The following AUTS2 variants were observed in gnomAD, a reference collection of about 807,000 sequenced individuals.
AUTS2 encodes the protein activator of transcription and developmental regulator AUTS2.
In AUTS2, 17 loss-of-function variants were observed where a neutral mutation model predicts 112.4. The observed-to-expected ratio is 0.15, with a 90% CI of 0.10 to 0.23. AUTS2 has a LOEUF of 0.23. Among genes scored for constraint, AUTS2 ranks in the 10% least tolerant of loss-of-function variants. The pLI is 1.00. For synonymous variants in AUTS2, 751 were observed against 702.7 expected, an observed-to-expected ratio of 1.07 and a Z score of -1.09; for missense variants, 1,510 against 1,701.6, an observed-to-expected ratio of 0.89 and a Z score of 1.98.
At chr7:70,495,940 A>ACG (rs1798461346) in intron 5 of AUTS2, among the ~76,000 whole-genome samples, 6 of 142,648 alleles carry the variant, frequency 4.2e-5, no homozygotes, top group South Asian at 2.3e-4. Context: ...AGTCACACAC[A>ACG]CACACCCCAC....
intron 4 of AUTS2, among the ~76,000 whole-genome samples, chr7:70,307,696 C>A (rs1376824420): frequency 6.6e-6 from 1 of 152,168 alleles, no homozygotes; most frequent in Non-Finnish European, 1.5e-5. Flanking sequence ...GAGCCTAGAT[C>A]CCTCTACCAG....
intron 3 of AUTS2, among the ~76,000 whole-genome samples, chr7:70,121,091 A>G (rs894011690): frequency 1.1e-4 from 16 of 152,186 alleles, no homozygotes; most frequent in Admixed American, 7.2e-4. Context: ...AGACACTTCA[A>G]TGGGGAAAGA....
intron 1 of AUTS2, among the ~76,000 whole-genome samples, chr7:69,738,163 G>A (rs1258283230): frequency 6.6e-6 from 1 of 152,014 alleles, no homozygotes; most frequent in Admixed American, 6.6e-5. Context: ...TCAATGCAAG[G>A]GGGTCATTTG....
At chr7:70,089,696 G>A (rs1162204944) in intron 2 of AUTS2, among the ~76,000 whole-genome samples, 1 of 151,662 alleles carries the variant, frequency 6.6e-6, no homozygotes, top group Admixed American at 6.6e-5. Context: ...CACATTTTGT[G>A]CCTTTTAAAA....
At chr7:70,324,904 A>T (rs534345507) in intron 4 of AUTS2, among the ~76,000 whole-genome samples, 4 of 152,144 alleles carry the variant, frequency 2.6e-5, no homozygotes, top group African/African-American at 9.6e-5. Context: ...GTCTTTGCTT[A>T]TGGGGAAGTT....
At chr7:70,392,439 C>G (rs969954246) in intron 4 of AUTS2, among the ~76,000 whole-genome samples, 1 of 152,112 alleles carries the variant, frequency 6.6e-6, no homozygotes, top group Non-Finnish European at 1.5e-5. Flanking sequence ...AATAGAAGGT[C>G]GTTACCAGGA....
intron 2 of AUTS2, among the ~76,000 whole-genome samples, chr7:69,977,424 C>G (rs1798105866): frequency 6.6e-6 from 1 of 151,978 alleles, no homozygotes; most frequent in Admixed American, 6.6e-5. Context: ...ATTTGGAGTC[C>G]TTTGAGATTA....
chr7:70,672,133 T>C (rs1807676611), intron 5 of AUTS2, among the ~76,000 whole-genome samples: 1 of 152,170 alleles, frequency 6.6e-6, no homozygotes, highest in South Asian at 2.1e-4. Context: ...AAAGTGCCAA[T>C]GGACAATCAG....
At chr7:69,894,266 TTTTTTTTTTTTTA>T (rs1331078436) in intron 1 of AUTS2, among the ~76,000 whole-genome samples, 3 of 118,712 alleles carry the variant, frequency 2.5e-5, no homozygotes, top group African/African-American at 5.9e-5. Context: ...TTTTTTTTTT[TTTTTTTTTTTTTA>T]ACAGATTTCT....
At chr7:69,995,852 G>A (rs1387789195) in intron 2 of AUTS2, among the ~76,000 whole-genome samples, 1 of 152,144 alleles carries the variant, frequency 6.6e-6, no homozygotes, top group Non-Finnish European at 1.5e-5. Context: ...AGCATTTTAG[G>A]AAGCTGTACT....
intron 5 of AUTS2, among the ~76,000 whole-genome samples, chr7:70,635,007 G>A (rs1156310677): frequency 3.3e-5 from 5 of 152,120 alleles, no homozygotes; most frequent in Non-Finnish European, 7.4e-5. Context: ...TTCACCATCT[G>A]TAAAGAGGGA....
intron 4 of AUTS2, among the ~76,000 whole-genome samples, chr7:70,417,024 C>G (rs1795015379): frequency 6.6e-6 from 1 of 152,186 alleles, no homozygotes; most frequent in African/African-American, 2.4e-5. Context: ...GCCAGCAGGG[C>G]CCCCAGTCTA....
intron 1 of AUTS2, among the ~76,000 whole-genome samples, chr7:69,738,077 C>G (rs1787110166): frequency 6.6e-6 from 1 of 151,844 alleles, no homozygotes; most frequent in South Asian, 2.1e-4. Context: ...TGATCATCTT[C>G]ACTGACTGCT....
chr7:69,938,373 C>T lies in AUTS2; in HGVS notation c.522+38875C>T, dbSNP rs115381702. ...CTCCAGGAAACTTCCTTGACTCTTGCGGGCTATATGGATCTCTACTTATTT... is the reference window on the plus strand; with the variant it reads ...CTCCAGGAAACTTCCTTGACTCTTGTGGGCTATATGGATCTCTACTTATTT... On this transcript the variant is annotated intron_variant, in intron 2 of 18. Transcript: ENST00000342771. 6.0e-3 allele frequency among the ~76,000 whole-genome samples: 917 copies of T among 152,276 alleles called. 10 individuals are homozygous for T. The highest frequency in any genetic ancestry group is 0.02 in the African/African-American group (839 of 41,550).
intron 1 of AUTS2, among the ~76,000 whole-genome samples, chr7:69,721,415 C>T (rs1417970576): frequency 1.3e-5 from 2 of 152,192 alleles, no homozygotes; most frequent in African/African-American, 4.8e-5. Flanking sequence ...CTTCATAGCA[C>T]TCATTATCAC....
At chr7:70,239,619 G>C (rs1302454961) in intron 4 of AUTS2, among the ~76,000 whole-genome samples, 1 of 152,066 alleles carries the variant, frequency 6.6e-6, no homozygotes, top group Non-Finnish European at 1.5e-5. Flanking sequence ...ATTTTTAGTA[G>C]AGACAGGGTT....
chr7:69,869,900 GT>G (rs1224748595), intron 1 of AUTS2, among the ~76,000 whole-genome samples: 8 of 152,162 alleles, frequency 5.3e-5, no homozygotes, highest in African/African-American at 1.9e-4. Flanking sequence ...GAGACTCATA[GT>G]TTGATGGCAT....
intron 4 of AUTS2, among the ~76,000 whole-genome samples, chr7:70,259,742 T>C (rs1369622886): frequency 1.3e-5 from 2 of 152,190 alleles, no homozygotes; most frequent in African/African-American, 2.4e-5. Flanking sequence ...AAGTGCTAAG[T>C]GTTGACATTA....
intron 1 of AUTS2, among the ~76,000 whole-genome samples, chr7:69,757,847 C>T (rs554156158): frequency 7.6e-4 from 116 of 152,100 alleles, no homozygotes; most frequent in African/African-American, 2.7e-3. Context: ...AGCAAATGTG[C>T]AATACAAAAA....
Sources: allele counts gnomAD v4.1 joint callset (sites outside exome capture counted in the v4.1 genomes callset), GRCh38; gene constraint gnomAD v4.1.1; transcripts MANE v1.5; gene names NCBI Gene and HGNC (gene_info 2026-07-23, HGNC 2026-07-21).